Variants in TMCC2 observed in about 807,000 individuals in gnomAD.
The protein encoded by TMCC2 is transmembrane and coiled-coil domains protein 2.
Under a neutral mutation model 49.4 loss-of-function variants are expected in TMCC2, and 16 were observed. The observed-to-expected ratio is 0.32, with a 90% confidence interval of 0.22 to 0.49. TMCC2 has a LOEUF of 0.49. Among genes scored for constraint, TMCC2 ranks in the 20% least tolerant of loss-of-function variants. TMCC2 has a pLI of 0.99. For missense variants in TMCC2, 762 were observed against 989.8 expected (o/e 0.77, Z 3.09); for synonymous variants, 397 against 434.1 (o/e 0.91, Z 1.06).
At position 205,241,959 on chromosome 1, in the gene TMCC2, C is replaced by T; in HGVS notation, c.662C>T (p.Ser221Phe). 1 of 1,611,738 alleles carries T rather than the reference C, an allele frequency of 6.2e-7. No homozygotes were observed. Among genetic ancestry groups the T allele is most frequent in the Non-Finnish European group, 8.5e-7 (1 of 1,179,918 alleles). The change falls in exon 2 of 5, where the codon TCC (serine) becomes TTC (phenylalanine). Residue 221 changes from serine (S) to phenylalanine (F), a missense_variant. By Grantham distance (155) the Ser-to-Phe change is radical. Coordinates refer to ENST00000358024, the MANE Select transcript of TMCC2 (RefSeq NM_014858.4). This position sits in a 1 kb window ranked among gnomAD's most constrained non-coding sequence, Gnocchi z 7.3. ...CAGCACCAGTGCCGTCCCCGCTCTTCCTCCACCACCGACACTGCTCTGCTG... is the reference window on the plus strand; with the variant it reads ...CAGCACCAGTGCCGTCCCCGCTCTTTCTCCACCACCGACACTGCTCTGCTG... ...LHQHQCRPRS[S>F]STTDTALLLA...
chr1:205,266,933 C>T (rs1661365151), intron 2 of TMCC2, among the ~76,000 whole-genome samples: 1 of 152,218 alleles, frequency 6.6e-6, no homozygotes, highest in Non-Finnish European at 1.5e-5. Flanking sequence ...CTGCAGGGAA[C>T]AAGGCAGGAA....
At chr1:205,239,048 C>T (rs564270312) in intron 1 of TMCC2, among the ~76,000 whole-genome samples, 143 of 152,258 alleles carry the variant, frequency 9.4e-4, no homozygotes, top group South Asian at 5.0e-3. Flanking sequence ...ACCAGCCTCC[C>T]GGGGATAGGG....
chr1:205,259,249 G>T (rs1460905794), intron 2 of TMCC2, among the ~76,000 whole-genome samples: 1 of 151,682 alleles, frequency 6.6e-6, no homozygotes, highest in Non-Finnish European at 1.5e-5. Flanking sequence ...CTCCTGAGCA[G>T]ATGGCTAACA....
rs897709104 is a variant in TMCC2 at position 205,264,198 on chromosome 1, A to C, written c.748-4752A>C. On this transcript the variant is annotated intron_variant, in intron 2 of 4. Coordinates refer to ENST00000358024, the MANE Select transcript of TMCC2 (RefSeq NM_014858.4). The surrounding 1 kb of genome is among the most constrained non-coding windows in gnomAD (Gnocchi z 4.2). ...TTAAGTCTCATACAGTAAATAGTGT[A>C]GTATTTGCATAGAACCTGCACACAT... 3.3e-5 allele frequency among the ~76,000 whole-genome samples: 5 copies of C among 152,366 alleles called. No homozygotes were observed. The South Asian group carries it at 6.2e-4, about 19-fold the overall frequency.
intron 2 of TMCC2, among the ~76,000 whole-genome samples, chr1:205,266,240 C>CAAAAA (rs35034505): frequency 2.0e-5 from 1 of 49,276 alleles, no homozygotes; most frequent in East Asian, 6.1e-4. Context: ...GACTCTGTCT[C>CAAAAA]AAAAAAAAAA....
At chr1:205,232,319 C>T (rs141502172) in intron 1 of TMCC2, among the ~76,000 whole-genome samples, 14 of 152,308 alleles carry the variant, frequency 9.2e-5, no homozygotes, top group South Asian at 2.1e-4. Flanking sequence ...GTGGGACCTT[C>T]GGGGAAAATC....
Position 205,272,298 on chromosome 1 carries a change from G to T in TMCC2, c.*174G>T. 2 of 1,326,772 alleles carry T rather than the reference G, an allele frequency of 1.5e-6. No individual in the cohort carries two copies. The highest frequency in any genetic ancestry group is 2.8e-5 in the Admixed American group (1 of 35,228). 82.2% of individuals were successfully genotyped at this position (1,326,772 alleles called of 1,614,324 possible). ...TCTGTCTGACACCTTCTCCCTGTTG[G>T]CCTGAAGGGAGCTTAGAATGCAGCC... On this transcript the variant is annotated 3_prime_UTR_variant, in exon 5 of 5. Coordinates refer to ENST00000358024, the MANE Select transcript of TMCC2 (RefSeq NM_014858.4).
intron 2 of TMCC2, chr1:205,257,099 C>T (rs1428161632): frequency 1.3e-5 from 15 of 1,194,976 alleles, no homozygotes; most frequent in Non-Finnish European, 1.6e-5. Flanking sequence ...CGGTGATCCT[C>T]CCTGTCTCCT....
At position 205,269,481 on chromosome 1, in the gene TMCC2, G is replaced by C; in HGVS notation, c.1279G>C (p.Glu427Gln). 6.2e-7 allele frequency: 1 copy of C among 1,608,032 alleles called. No homozygotes were observed. Among genetic ancestry groups the C allele is most frequent in the Non-Finnish European group, 8.5e-7 (1 of 1,175,692 alleles). ...THTAVVSKPR[E>Q]FASLIRNKFG... Reference sequence around the variant, plus strand: ...CACCGCCGTGGTGTCCAAGCCCCGGGAGTTTGCCAGCCTCATCCGCAACAA... The same window carrying C: ...CACCGCCGTGGTGTCCAAGCCCCGGCAGTTTGCCAGCCTCATCCGCAACAA... Residue 427 changes from glutamate (E) to glutamine (Q), a missense_variant, in exon 3 of 5, where the codon GAG becomes CAG. Transcript: ENST00000358024.
intron 2 of TMCC2, among the ~76,000 whole-genome samples, chr1:205,254,481 C>G (rs993565370): frequency 6.6e-6 from 1 of 152,182 alleles, no homozygotes; most frequent in African/African-American, 2.4e-5. Context: ...TTTGGGAACA[C>G]GTCTCATGTA....
rs1243888398 is a variant in TMCC2, at chr1:205,236,612, G to A, written c.208-4893G>A. The A allele has an allele frequency of 2.6e-5, 4 of 152,304 alleles. No homozygotes were observed. The East Asian group carries it at 7.7e-4, about 29-fold the overall frequency. 9.4% of individuals were successfully genotyped at this position (152,304 alleles called of 1,614,324 possible). A position where few individuals can be genotyped will look rare whatever the true frequency, so the allele number is the denominator to read the frequency against. On this transcript the variant is annotated intron_variant, in intron 1 of 4. Coordinates refer to ENST00000358024, the MANE Select transcript of TMCC2 (RefSeq NM_014858.4). ...TCCAGTCACTCATATTGTCATCAAG[G>A]GTTCCATCCGTCAGCAGGTGAGAAG...
intron 1 of TMCC2, among the ~76,000 whole-genome samples, chr1:205,239,016 C>G (rs1033143467): frequency 6.6e-6 from 1 of 152,152 alleles, no homozygotes; most frequent in Non-Finnish European, 1.5e-5. Context: ...CGGTGGCCAC[C>G]GTAGCTCTCC....
chr1:205,247,718 G>A (rs560780091), intron 2 of TMCC2, among the ~76,000 whole-genome samples: 70 of 152,174 alleles, frequency 4.6e-4, no homozygotes, highest in African/African-American at 1.2e-3. Flanking sequence ...GATCCCTGGC[G>A]GTTACTAGCA....
chr1:205,266,614 A>G (rs1218073275), intron 2 of TMCC2, among the ~76,000 whole-genome samples: 1 of 152,254 alleles, frequency 6.6e-6, no homozygotes. Context: ...AACAAATAAA[A>G]AAAAAAAAAC....
intron 1 of TMCC2, among the ~76,000 whole-genome samples, chr1:205,237,035 G>GT (rs879429415): frequency 2.5e-4 from 38 of 150,910 alleles, no homozygotes; most frequent in East Asian, 1.9e-3. Flanking sequence ...CATGAGTTGA[G>GT]TTTTTTTTTT....
chr1:205,229,795 G>A (rs947887546), intron 1 of TMCC2: 21 of 985,240 alleles, frequency 2.1e-5, no homozygotes, highest in African/African-American at 3.5e-5. Flanking sequence ...TTTATTTTCC[G>A]GCCTGAGGTT....
chr1:205,257,319 C>G, intron 2 of TMCC2: 1 of 1,232,192 alleles, frequency 8.1e-7, no homozygotes, highest in Non-Finnish European at 1.0e-6. Flanking sequence ...CCTCAGAGCC[C>G]CGGGTACCTC....
At chr1:205,244,630 AGTG>A (rs1475628287) in intron 2 of TMCC2, among the ~76,000 whole-genome samples, 1 of 152,110 alleles carries the variant, frequency 6.6e-6, no homozygotes, top group Non-Finnish European at 1.5e-5. Context: ...TTTTCTCTCT[AGTG>A]GTCCTAGCCA....
Position 205,230,219 on chromosome 1 carries a change from G to C in TMCC2, c.207+1448G>C, listed in dbSNP as rs1659735889. ...GTATGTTACCTGTCTGTGTGCCTTG[G>C]GGAGGAGTGAAAAGGGGGACGACTA... On this transcript the variant is annotated intron_variant, in intron 1 of 4. Coordinates refer to ENST00000358024, the MANE Select transcript of TMCC2 (RefSeq NM_014858.4). 6.2e-6 allele frequency: 6 copies of C among 969,268 alleles called. No individual in the cohort carries two copies. In the South Asian group the frequency reaches 2.9e-4, roughly 46 times the overall value. The allele number at this position is 969,268 out of a possible 1,614,324, so 60.0% of individuals were successfully genotyped here.
Sources: gnomAD v4.1 joint callset for allele counts (sites outside exome capture counted in the v4.1 genomes callset) on GRCh38, gnomAD v4.1.1 for gene constraint, Gnocchi (gnomAD v3.1) non-coding constraint, MANE v1.5 for transcripts, NCBI Gene and HGNC (gene_info 2026-07-23, HGNC 2026-07-21) for gene names.